CAMK2G: variants seen among roughly 807,000 people sequenced by gnomAD.
CAMK2G encodes the protein calcium/calmodulin dependent protein kinase II gamma.
Under a neutral mutation model 88.7 loss-of-function variants are expected in CAMK2G, and 23 were observed. The observed-to-expected ratio is 0.26, with a 90% confidence interval of 0.19 to 0.37. The LOEUF is 0.37. Among genes scored for constraint, CAMK2G ranks in the 10% least tolerant of loss-of-function variants. CAMK2G has a pLI of 1.00. For synonymous variants in CAMK2G, 263 were observed against 294.8 expected (o/e 0.89, Z 1.11); for missense variants, 476 against 780.8 (o/e 0.61, Z 4.65).
Position 73,819,567 on chromosome 10 carries a change from C to T in CAMK2G, c.1328G>A (p.Gly443Asp). 1.9e-6 allele frequency: 3 copies of T among 1,549,538 alleles called. No homozygotes were observed. Among genetic ancestry groups the T allele is most frequent in the Non-Finnish European group, 1.7e-6 (2 of 1,146,848 alleles). The change falls in exon 19 of 23, where the codon GGC (glycine) becomes GAC (aspartate). Residue 443 changes from glycine to aspartate, a missense_variant. Coordinates refer to ENST00000423381, the MANE Select transcript of CAMK2G (RefSeq NM_001367534.1). ...SSRDRTAPSA[G>D]MQPQPSLCSS... Reference sequence around the variant, plus strand: ...GCAGAGAGAAGGCTGGGGCTGCATGCCTGCAGAGGGGGCTGTTCTGTCCCG... The same window carrying T: ...GCAGAGAGAAGGCTGGGGCTGCATGTCTGCAGAGGGGGCTGTTCTGTCCCG...
chr10:73,823,989 C>T, intron 17 of CAMK2G, 51 bp downstream of exon 17: 1 of 1,483,762 alleles, frequency 6.7e-7, no homozygotes, highest in South Asian at 1.1e-5. Flanking sequence ...ACCCAGCCCA[C>T]CTGTCTCCTG....
At chr10:73,858,067 A>G (rs896646480) in intron 3 of CAMK2G, among the ~76,000 whole-genome samples, 1 of 152,156 alleles carries the variant, frequency 6.6e-6, no homozygotes, top group Non-Finnish European at 1.5e-5. Flanking sequence ...TTGACTCATC[A>G]TCATTACCCA....
At chr10:73,820,464 TTATATATATA>T (rs71483976) in intron 18 of CAMK2G, among the ~76,000 whole-genome samples, 1 of 74,078 alleles carries the variant, frequency 1.3e-5, no homozygotes, top group Admixed American at 1.7e-4. Flanking sequence ...GGTTTTATAT[TTATATATATA>T]TATATATATA....
chr10:73,816,010 G>T (rs2085344583), intron 21 of CAMK2G: 1 of 985,022 alleles, frequency 1.0e-6, no homozygotes, highest in Non-Finnish European at 1.2e-6. Flanking sequence ...ATAACAGAGA[G>T]TTTATATATG....
Position 73,842,568 on chromosome 10 carries a change from G to A in CAMK2G, c.820-27C>T, listed in dbSNP as rs1190999617. ...TAGAAACCAAACAGACAGGCTATGA[G>A]CCCCAGCCCAGATCCTCTGCGCCTC... On this transcript the variant is annotated intron_variant, in intron 10 of 22. Coordinates refer to ENST00000423381, the MANE Select transcript of CAMK2G (RefSeq NM_001367534.1). This position sits in a 1 kb window ranked among gnomAD's most constrained non-coding sequence, Gnocchi z 4.6. 6.4e-7 allele frequency: 1 copy of A among 1,554,762 alleles called. No homozygotes were observed. The highest frequency in any genetic ancestry group is 8.9e-7 in the Non-Finnish European group (1 of 1,126,470).
rs774687124 is a variant in CAMK2G, at chr10:73,842,544, A to G, written c.820-3T>C. On this transcript the variant is annotated splice_region_variant and splice_polypyrimidine_tract_variant and intron_variant, in intron 10 of 22. Transcript: ENST00000423381. This position sits in a 1 kb window ranked among gnomAD's most constrained non-coding sequence, Gnocchi z 4.6. ...ATGGATGCCACCGTGGATCGTTGCT[A>G]GAAACCAAACAGACAGGCTATGAGC... 3 of 1,610,968 alleles carry G rather than the reference A, an allele frequency of 1.9e-6. No individual in the cohort carries two copies. Among genetic ancestry groups the G allele is most frequent in the East Asian group, 2.2e-5 (1 of 44,860 alleles).
intron 2 of CAMK2G, among the ~76,000 whole-genome samples, chr10:73,862,371 T>C (rs555725193): frequency 2.7e-5 from 4 of 148,096 alleles, no homozygotes; most frequent in Admixed American, 2.0e-4. Context: ...TATCTTTCAG[T>C]TGCAAGCTCT....
Position 73,845,528 on chromosome 10 carries a change from G to C in CAMK2G, c.819+1697C>G, listed in dbSNP as rs1010364532. 2.0e-5 allele frequency among the ~76,000 whole-genome samples: 3 copies of C among 150,248 alleles called. No individual in the cohort carries two copies. In the Admixed American group the frequency reaches 2.0e-4, roughly 10 times the overall value. On this transcript the variant is annotated intron_variant, in intron 10 of 22. Coordinates refer to ENST00000423381, the MANE Select transcript of CAMK2G (RefSeq NM_001367534.1). ...ACCCGGGAGGCAGAGCTTGCAGTGA[G>C]ACCGCGCCACTGCACTCCAGCCTGG...
At chr10:73,827,670 G>A (rs1459376145) in intron 15 of CAMK2G, among the ~76,000 whole-genome samples, 7 of 152,186 alleles carry the variant, frequency 4.6e-5, no homozygotes, top group Admixed American at 2.6e-4. Flanking sequence ...CTCACAAGTG[G>A]GAGCCTGCAA....
At chr10:73,845,294 T>C (rs887432821) in intron 10 of CAMK2G, among the ~76,000 whole-genome samples, 8 of 151,938 alleles carry the variant, frequency 5.3e-5, no homozygotes, top group Admixed American at 4.6e-4. Context: ...ATGAAAACCA[T>C]CATCTTGGCC....
At chr10:73,820,480 ATATATATATATATT>A (rs1276323643) in intron 18 of CAMK2G, among the ~76,000 whole-genome samples, 6 of 32,248 alleles carry the variant, frequency 1.9e-4, no homozygotes, top group Admixed American at 4.9e-4. Context: ...ATATATATAT[ATATATATATATATT>A]TTTTTTTTTT....
intron 15 of CAMK2G, among the ~76,000 whole-genome samples, 196 bp from the exon 16 acceptor site, chr10:73,825,543 C>T (rs2090635513): frequency 6.6e-6 from 1 of 152,158 alleles, no homozygotes; most frequent in Non-Finnish European, 1.5e-5. Context: ...AGACCTAGCT[C>T]TGGGGGCACC....
chr10:73,867,112 C>A (rs116960679), intron 2 of CAMK2G, among the ~76,000 whole-genome samples: 1,585 of 152,286 alleles, frequency 0.01, 21 homozygotes, highest in East Asian at 0.053. Flanking sequence ...CCATGTGAAC[C>A]CCCAAGGCTC....
intron 12 of CAMK2G, among the ~76,000 whole-genome samples, chr10:73,840,274 CAA>C (rs2093671656): frequency 1.3e-5 from 2 of 152,196 alleles, no homozygotes; most frequent in African/African-American, 2.4e-5. Flanking sequence ...AGAAAGAAAA[CAA>C]AGGCTGCTGA....
chr10:73,815,372 C>A (rs1454001950), intron 21 of CAMK2G, 125 bp from the exon 22 acceptor site: 3 of 655,184 alleles, frequency 4.6e-6, no homozygotes, highest in Admixed American at 2.7e-5. Context: ...AAGTACCGCC[C>A]CCCCCCACCC....
Position 73,817,351 on chromosome 10 carries a change from G to C in CAMK2G, c.1439+128C>G, listed in dbSNP as rs1047558287. The stretch of plus-strand genomic sequence containing the variant: ...ACCTGGAAGGGCTCCCAGTTTAGGA[G>C]AGGGCTTAACTCAGATACTTTGCCC... On this transcript the variant is annotated intron_variant, in intron 20 of 22. Transcript: ENST00000423381. 5 of 819,240 alleles carry C rather than the reference G, an allele frequency of 6.1e-6. No homozygotes were observed. The African/African-American group carries it at 6.9e-5, about 11-fold the overall frequency. 50.7% of individuals were successfully genotyped at this position (819,240 alleles called of 1,614,324 possible).
Position 73,819,615 on chromosome 10 carries a change from G to A in CAMK2G, c.1280C>T (p.Ser427Leu), listed in dbSNP as rs762616329. 9.7e-6 allele frequency: 15 copies of A among 1,545,898 alleles called. No homozygotes were observed. In the Admixed American group the frequency reaches 9.8e-5, roughly 10 times the overall value. Reference protein sequence around the residue: ...AAPLRTGNGSSVPEGRSSRDR... With the variant: ...AAPLRTGNGSLVPEGRSSRDR... The stretch of plus-strand genomic sequence containing the variant: ...CCGGGAGCTCCGTCCTTCAGGCACC[G>A]AGCTGCCATTCCCAGTGCGGAGCGG... The change falls in exon 19 of 23, where the codon TCG becomes TTG. Residue 427 changes from serine to leucine, a missense_variant. Coordinates refer to ENST00000423381, the MANE Select transcript of CAMK2G (RefSeq NM_001367534.1).
intron 14 of CAMK2G, among the ~76,000 whole-genome samples, chr10:73,833,310 G>A (rs1006411276): frequency 6.6e-6 from 1 of 151,960 alleles, no homozygotes; most frequent in Non-Finnish European, 1.5e-5. Context: ...ACATTTTTCT[G>A]CTTTTAGCTT....
chr10:73,852,184 G>A (rs1041348578), intron 5 of CAMK2G, 70 bp downstream of exon 5: 17 of 1,167,460 alleles, frequency 1.5e-5, no homozygotes, highest in Admixed American at 3.4e-5. Flanking sequence ...GCTGGACCCC[G>A]AAGGTGGCCA....
Sources: gnomAD v4.1 joint callset for allele counts (sites outside exome capture counted in the v4.1 genomes callset) on GRCh38, gnomAD v4.1.1 for gene constraint, Gnocchi (gnomAD v3.1) non-coding constraint, MANE v1.5 for transcripts, NCBI Gene and HGNC (gene_info 2026-07-23, HGNC 2026-07-21) for gene names.